The following SLC22A23 variants were observed in gnomAD, a reference collection of about 807,000 sequenced individuals.
The protein encoded by SLC22A23 is ion transporter protein.
Under a neutral mutation model 61.0 loss-of-function variants are expected in SLC22A23, and 26 were observed. That is an observed-to-expected ratio of 0.43 (90% CI 0.31 to 0.59). SLC22A23 has a LOEUF of 0.59. Among genes scored for constraint, SLC22A23 ranks in the 20% least tolerant of loss-of-function variants. The pLI is 0.11. For synonymous variants in SLC22A23, 430 were observed against 413.9 expected, an observed-to-expected ratio of 1.04 and a Z score of -0.47; for missense variants, 796 against 934.7, an observed-to-expected ratio of 0.85 and a Z score of 1.94.
At chr6:3,450,784 T>C (rs1772124506) in intron 1 of SLC22A23, among the ~76,000 whole-genome samples, 1 of 152,230 alleles carries the variant, frequency 6.6e-6, no homozygotes, top group African/African-American at 2.4e-5. Flanking sequence ...GTGTAAGGCA[T>C]TTCAAAAGTG....
Position 3,455,903 on chromosome 6 carries a change from T to C in SLC22A23, c.654+3A>G. On this transcript the variant is annotated splice_donor_region_variant and intron_variant, in intron 1 of 9. Transcript: ENST00000406686. ...GGAGGGACTGGGCGGCTGCGGCCCT[T>C]ACCTTGCTGACCACGTTCTGGACGA... is the stretch of plus-strand genomic sequence containing the variant. 1 of 1,494,736 alleles carries C rather than the reference T, an allele frequency of 6.7e-7. No homozygotes were observed. The highest frequency in any genetic ancestry group is 9.0e-7 in the Non-Finnish European group (1 of 1,115,010). 92.6% of individuals were successfully genotyped at this position (1,494,736 alleles called of 1,614,324 possible).
chr6:3,287,688 T>TG lies in SLC22A23; in HGVS notation c.1314-598_1314-597insC, dbSNP rs1451089710. The stretch of plus-strand genomic sequence containing the variant: ...CCACAGGAAACTGTTTTTTTTTTTG[T>TG]TTTGTTTTGTTTTTGAGTAGAGCCG... On this transcript the variant is annotated intron_variant, in intron 6 of 9. Coordinates refer to ENST00000406686, the MANE Select transcript of SLC22A23 (RefSeq NM_015482.2). Among the ~76,000 whole-genome samples the TG allele has an allele frequency of 3.1e-4, 40 of 128,566 alleles. No individual in the cohort carries two copies. The East Asian group carries it at 5.1e-3, about 16-fold the overall frequency. The allele number at this position is 128,566 out of a possible 152,430, so 84.3% of individuals were successfully genotyped here.
At position 3,284,835 on chromosome 6, in the gene SLC22A23, G is replaced by C. The variant is rs1581604712; in HGVS notation, c.1579+244C>G. The stretch of plus-strand genomic sequence containing the variant: ...TGCTGAGCCTGGTGCCAGGGGAAGG[G>C]GCGGGGGCATGCGTGCCAAGCAGCA... On this transcript the variant is annotated intron_variant, in intron 8 of 9. Coordinates refer to ENST00000406686, the MANE Select transcript of SLC22A23 (RefSeq NM_015482.2). 2.1e-6 allele frequency: 3 copies of C among 1,404,986 alleles called. No homozygotes were observed. The East Asian group carries it at 7.5e-5, about 35-fold the overall frequency. The allele number at this position is 1,404,986 out of a possible 1,614,324, so 87.0% of individuals were successfully genotyped here.
intron 1 of SLC22A23, chr6:3,439,436 A>C: frequency 5.4e-6 from 2 of 372,574 alleles, no homozygotes; most frequent in South Asian, 2.1e-5. Flanking sequence ...TTCCACGTGA[A>C]GAAAAGGCTC....
chr6:3,397,405 C>T (rs898376393), intron 3 of SLC22A23, among the ~76,000 whole-genome samples: 5 of 152,152 alleles, frequency 3.3e-5, no homozygotes, highest in Non-Finnish European at 7.3e-5. Context: ...GAGAGGGGCT[C>T]AGGGAAGACG....
At position 3,324,879 on chromosome 6, in the gene SLC22A23, C is replaced by G. The variant is rs1763187259; in HGVS notation, c.914-877G>C. Among the ~76,000 whole-genome samples the G allele has an allele frequency of 6.6e-6, 1 of 152,212 alleles. No individual in the cohort carries two copies. The highest frequency in any genetic ancestry group is 1.5e-5 in the Non-Finnish European group (1 of 68,040). On this transcript the variant is annotated intron_variant, in intron 3 of 9. Transcript: ENST00000406686. This position sits in a 1 kb window ranked among gnomAD's most constrained non-coding sequence, Gnocchi z 4.3. ...TTTGACCTTGAGTCAAAAAGATGAT[C>G]AGAAAACTTTAATCTGTGGCACCCA...
At chr6:3,280,512 T>TTTTTTTC (rs781526188) in intron 9 of SLC22A23, among the ~76,000 whole-genome samples, 3 of 98,328 alleles carry the variant, frequency 3.1e-5, no homozygotes, top group African/African-American at 1.1e-4. Context: ...TTTTTTTTTT[T>TTTTTTTC]TGAGATGGAG....
At chr6:3,314,007 CA>C (rs1389932555) in intron 4 of SLC22A23, among the ~76,000 whole-genome samples, 1 of 152,148 alleles carries the variant, frequency 6.6e-6, no homozygotes. Context: ...CCAGCCTGCG[CA>C]ATAAGAGCAG....
At chr6:3,282,122 G>A (rs1759523599) in intron 9 of SLC22A23, 1 of 687,226 alleles carries the variant, frequency 1.5e-6, no homozygotes, top group Non-Finnish European at 2.7e-6. Context: ...TGCAAAGGCT[G>A]CAGGAGGCCA....
chr6:3,381,946 G>A (rs1407520407), intron 3 of SLC22A23, among the ~76,000 whole-genome samples: 1 of 152,090 alleles, frequency 6.6e-6, no homozygotes, highest in Non-Finnish European at 1.5e-5. Flanking sequence ...CCATCTGTCT[G>A]CCCCAGGCCC....
chr6:3,371,349 G>A (rs1220203201), intron 3 of SLC22A23, among the ~76,000 whole-genome samples: 1 of 152,230 alleles, frequency 6.6e-6, no homozygotes, highest in Non-Finnish European at 1.5e-5. Context: ...GGTTGCCAGG[G>A]CTGTGATCTA....
chr6:3,337,722 C>A (rs1227463910), intron 3 of SLC22A23, among the ~76,000 whole-genome samples: 2 of 152,180 alleles, frequency 1.3e-5, no homozygotes, highest in African/African-American at 4.8e-5. Flanking sequence ...AGGCCACAGG[C>A]TGGGCTCGGC....
At chr6:3,439,355 A>G (rs1448821410) in intron 1 of SLC22A23, 1 of 398,396 alleles carries the variant, frequency 2.5e-6, no homozygotes, top group South Asian at 1.6e-5. Context: ...TCCTACAGGC[A>G]TTTCTGAAAG....
At chr6:3,315,691 C>T (rs1180386571) in intron 4 of SLC22A23, among the ~76,000 whole-genome samples, 1 of 152,006 alleles carries the variant, frequency 6.6e-6, no homozygotes, top group Non-Finnish European at 1.5e-5. Flanking sequence ...GGTGAAACCC[C>T]GTCTCTCCTA....
chr6:3,279,163 A>C (rs1474253738), intron 9 of SLC22A23, among the ~76,000 whole-genome samples: 1 of 152,080 alleles, frequency 6.6e-6, no homozygotes, highest in Non-Finnish European at 1.5e-5. Context: ...TATAATATGG[A>C]ATATATCTTT....
intron 3 of SLC22A23, among the ~76,000 whole-genome samples, chr6:3,363,274 A>G (rs956198369): frequency 6.6e-6 from 1 of 152,134 alleles, no homozygotes; most frequent in African/African-American, 2.4e-5. Flanking sequence ...CGCAGCAGCA[A>G]TGGGTGAGCT....
In SLC22A23 at chr6:3,387,553, G is replaced by A. The variant is rs767159528; in HGVS notation, c.913+22635C>T. Among the ~76,000 whole-genome samples, 22 of 152,348 alleles carry A rather than the reference G, an allele frequency of 1.4e-4. No individual in the cohort carries two copies. Among genetic ancestry groups the A allele is most frequent in the Admixed American group, 6.5e-5 (1 of 15,306 alleles). ...CACTGGTGAGATTCAAGGAAAGTCC[G>A]TCGTTTAGTTAGTCCCACGACAACG... On this transcript the variant is annotated intron_variant, in intron 3 of 9. Transcript: ENST00000406686. The surrounding 1 kb of genome is among the most constrained non-coding windows in gnomAD (Gnocchi z 5.0).
At position 3,456,191 on chromosome 6, in the gene SLC22A23, C is replaced by T; in HGVS notation, c.369G>A (p.Gln123=). The T allele has an allele frequency of 6.4e-7, 1 of 1,551,308 alleles. No individual in the cohort carries two copies. The highest frequency in any genetic ancestry group is 1.2e-5 in the South Asian group (1 of 84,044). ...CGGCCCCGCGGCACCAGAAGTTGGG[C>T]TGGTCCAGGAGGAACGAGTCCGAGA... ...SQFSDSFLLD[Q]PNFWCRGAGK... is the part of the protein sequence containing the mutation. The change falls in exon 1 of 10, where the codon CAG becomes CAA. Residue 123 remains glutamine, a synonymous_variant. Coordinates refer to ENST00000406686, the MANE Select transcript of SLC22A23 (RefSeq NM_015482.2). The surrounding 1 kb of genome is among the most constrained non-coding windows in gnomAD (Gnocchi z 7.1).
chr6:3,315,870 AAAAAGAAAAG>A (rs376486965), intron 4 of SLC22A23, among the ~76,000 whole-genome samples: 8 of 97,328 alleles, frequency 8.2e-5, no homozygotes, highest in African/African-American at 2.4e-4. Flanking sequence ...TCTCAAAAAA[AAAAAGAAAAG>A]AAAAGAAAAG....
Sources: gnomAD v4.1 joint callset for allele counts (sites outside exome capture counted in the v4.1 genomes callset) on GRCh38, gnomAD v4.1.1 for gene constraint, Gnocchi (gnomAD v3.1) non-coding constraint, MANE v1.5 for transcripts, NCBI Gene and HGNC (gene_info 2026-07-23, HGNC 2026-07-21) for gene names.